UBR3: variants seen among roughly 807,000 people sequenced by gnomAD.
UBR3 encodes the protein E3 ubiquitin-protein ligase UBR3.
UBR3 carries 85 observed loss-of-function variants against 243.2 expected under a neutral mutation model. The ratio of observed to expected loss-of-function variants is 0.35; its 90% CI spans 0.29 to 0.42. The LOEUF (loss-of-function observed/expected upper bound fraction) is 0.42. Among genes scored for constraint, UBR3 ranks in the 10% least tolerant of loss-of-function variants. The probability of loss-of-function intolerance (pLI) is 1.00; values close to 1 mark genes in which losing one functional copy is unlikely to be tolerated. For synonymous variants in UBR3, 748 were observed against 799.8 expected (o/e 0.94, Z 1.09); for missense variants, 1,686 against 2,300.8 (o/e 0.73, Z 5.47).
At chr2:169,965,726 C>T (rs1008837337) in intron 24 of UBR3, among the ~76,000 whole-genome samples, 1 of 152,098 alleles carries the variant, frequency 6.6e-6, no homozygotes, top group African/African-American at 2.4e-5. Flanking sequence ...GATTTCATCA[C>T]GCTACTCAAA....
At chr2:170,045,504 C>T (rs1016133022) in intron 32 of UBR3, among the ~76,000 whole-genome samples, 1 of 152,122 alleles carries the variant, frequency 6.6e-6, no homozygotes, top group African/African-American at 2.4e-5. Flanking sequence ...TTCTATAGAG[C>T]ATTTGGGACC....
chr2:170,030,139 A>G (rs953811295), intron 31 of UBR3, among the ~76,000 whole-genome samples: 2 of 152,046 alleles, frequency 1.3e-5, no homozygotes, highest in African/African-American at 4.8e-5. Context: ...TCTTTTTGAT[A>G]CAAATTGTTC....
chr2:170,044,077 G>A (rs1445704158), intron 32 of UBR3, among the ~76,000 whole-genome samples: 1 of 151,982 alleles, frequency 6.6e-6, no homozygotes, highest in African/African-American at 2.4e-5. Context: ...TTTTTGAGGG[G>A]AGGTGGAGAG....
intron 1 of UBR3, among the ~76,000 whole-genome samples, chr2:169,871,883 C>T (rs2105309770): frequency 6.6e-6 from 1 of 151,958 alleles, no homozygotes; most frequent in East Asian, 1.9e-4. Flanking sequence ...AATGTAAATG[C>T]TTTTAAAGTG....
At chr2:170,036,626 T>G (rs1266247810) in intron 31 of UBR3, among the ~76,000 whole-genome samples, 3 of 152,102 alleles carry the variant, frequency 2.0e-5, no homozygotes, top group Admixed American at 6.6e-5. Flanking sequence ...ATTTTTATAT[T>G]TATTAGCTAT....
chr2:169,845,521 CG>C (rs1245982832), intron 1 of UBR3, among the ~76,000 whole-genome samples: 3 of 145,830 alleles, frequency 2.1e-5, no homozygotes, highest in African/African-American at 7.6e-5. Flanking sequence ...TCGTCGTCGT[CG>C]TCGTCGTCGT....
chr2:169,882,068 TATA>T lies in UBR3; in HGVS notation c.1038+3497_1038+3499del, dbSNP rs541992284. ...ATGTATATTATATATACACATATAA[TATA>T]ATTATATATGTATGTATATATACAC... On this transcript the variant is annotated intron_variant, in intron 5 of 38. Transcript: ENST00000272793. 7.1e-3 allele frequency among the ~76,000 whole-genome samples: 893 copies of T among 126,478 alleles called. 12 individuals are homozygous for T. Among genetic ancestry groups the T allele is most frequent in the African/African-American group, 0.025 (806 of 32,686 alleles). The allele number at this position is 126,478 out of a possible 152,430, so 83.0% of individuals were successfully genotyped here. A position where few individuals can be genotyped will look rare whatever the true frequency, so the allele number is the denominator to read the frequency against.
At chr2:169,867,093 T>A (rs1217653212) in intron 1 of UBR3, among the ~76,000 whole-genome samples, 1 of 152,238 alleles carries the variant, frequency 6.6e-6, no homozygotes, top group African/African-American at 2.4e-5. Context: ...GTTTAAATTT[T>A]TCCTTTTGAT....
chr2:169,836,059 ATATATATATTTTTTTTTTT>A (rs2082095977), intron 1 of UBR3, among the ~76,000 whole-genome samples: 1 of 40,934 alleles, frequency 2.4e-5, no homozygotes, highest in South Asian at 9.2e-4. Flanking sequence ...ATATATATAT[ATATATATATTTTTTTTTTT>A]TTTTTTTTTT....
At chr2:170,071,218 A>G (rs1388703994) in intron 35 of UBR3, among the ~76,000 whole-genome samples, 1 of 152,210 alleles carries the variant, frequency 6.6e-6, no homozygotes, top group African/African-American at 2.4e-5. Context: ...CAGTTCTGCT[A>G]AGTATCAACT....
chr2:169,933,149 A>G (rs1309156914), intron 19 of UBR3, 141 bp downstream of exon 19: 2 of 583,092 alleles, frequency 3.4e-6, no homozygotes, highest in African/African-American at 2.0e-5. Context: ...TAAGGTTTAA[A>G]AAATAATCTG....
intron 1 of UBR3, among the ~76,000 whole-genome samples, chr2:169,845,873 G>C (rs1034272215): frequency 6.6e-6 from 1 of 152,042 alleles, no homozygotes; most frequent in Non-Finnish European, 1.5e-5. Flanking sequence ...TGTGAGCTAC[G>C]GTGCCCAGCC....
At chr2:170,065,029 G>A (rs918096116) in intron 35 of UBR3, among the ~76,000 whole-genome samples, 3 of 151,464 alleles carry the variant, frequency 2.0e-5, no homozygotes, top group Admixed American at 2.0e-4. Context: ...TTTTAGTAGA[G>A]ACAGGGCTTC....
intron 27 of UBR3, among the ~76,000 whole-genome samples, chr2:170,003,505 A>C (rs912703353): frequency 6.6e-6 from 1 of 152,176 alleles, no homozygotes; most frequent in African/African-American, 2.4e-5. Context: ...ACAGTGTTCC[A>C]GATACTATGA....
At chr2:170,066,966 A>AAATGATAATAAT (rs2091583223) in intron 35 of UBR3, among the ~76,000 whole-genome samples, 1 of 102,532 alleles carries the variant, frequency 9.8e-6, no homozygotes, top group African/African-American at 2.7e-5. Flanking sequence ...TCCGTCTCTA[A>AAATGATAATAAT]AATAATAATA....
At chr2:169,916,006 C>T (rs994600823) in intron 11 of UBR3, among the ~76,000 whole-genome samples, 1 of 152,176 alleles carries the variant, frequency 6.6e-6, no homozygotes, top group East Asian at 1.9e-4. Flanking sequence ...GTTTCCCCAC[C>T]CATTTCTGGA....
chr2:169,936,752 A>G (rs534917851), intron 19 of UBR3, among the ~76,000 whole-genome samples: 36 of 151,682 alleles, frequency 2.4e-4, no homozygotes, highest in Non-Finnish European at 1.5e-5. Context: ...ATTCCCACCT[A>G]TGAGTGAGAA....
intron 19 of UBR3, among the ~76,000 whole-genome samples, chr2:169,939,882 A>G (rs1420755117): frequency 1.3e-5 from 2 of 151,960 alleles, no homozygotes; most frequent in Non-Finnish European, 2.9e-5. Flanking sequence ...TCTTCTTTCA[A>G]TTTAGTTTGG....
chr2:169,885,935 G>A (rs956595632), intron 5 of UBR3, among the ~76,000 whole-genome samples: 11 of 152,000 alleles, frequency 7.2e-5, no homozygotes, highest in Non-Finnish European at 1.0e-4. Context: ...CGAGGTGGGC[G>A]ATCCCTAGGT....
Sources: gnomAD v4.1 joint callset for allele counts (sites outside exome capture counted in the v4.1 genomes callset) on GRCh38, gnomAD v4.1.1 for gene constraint, MANE v1.5 for transcripts, NCBI Gene and HGNC (gene_info 2026-07-23, HGNC 2026-07-21) for gene names.